Variants in ABCD2 observed in about 807,000 individuals in gnomAD.
ABCD2 encodes ATP-binding cassette sub-family D member 2.
ABCD2 carries 36 observed loss-of-function variants against 70.9 expected under a neutral mutation model. The ratio of observed to expected loss-of-function variants is 0.51; its 90% confidence interval spans 0.39 to 0.67. ABCD2 has a LOEUF of 0.67. ABCD2 is among the 30% of genes least tolerant of loss of function. The pLI is 0.00. For synonymous variants in ABCD2, 304 were observed against 306.9 expected (o/e 0.99, Z 0.10); for missense variants, 729 against 890.2 (o/e 0.82, Z 2.30).
rs746795285 is a variant in ABCD2, at chr12:39,579,604, A to G, written c.1808T>C (p.Met603Thr). 5 of 1,610,120 alleles carry G rather than the reference A, an allele frequency of 3.1e-6. No homozygotes were observed. The East Asian group carries it at 6.7e-5, about 22-fold the overall frequency. ...TCCTGACAGGACATCTTTCCAGTCC[A>G]TAACAGCATCCCATCCTTAAGAAAA... ...VQREGGWDAV[M>T]DWKDVLSGGE... The change falls in exon 8 of 10, where the codon ATG becomes ACG. Residue 603 changes from methionine to threonine, a missense_variant. Around this residue, in one of 3 missense-constraint regions of ABCD2, gnomAD observed 289 missense variants for 328.8 expected, o/e 0.88. Transcript: ENST00000308666.
intron 6 of ABCD2, among the ~76,000 whole-genome samples, chr12:39,590,813 T>C (rs1462519127): frequency 1.3e-5 from 2 of 152,020 alleles, no homozygotes; most frequent in African/African-American, 2.4e-5. Context: ...TTTATTATTC[T>C]CTAAGACAAA....
At chr12:39,546,677 G>C (rs77164328), downstream of ABCD2, among the ~76,000 whole-genome samples, 2,365 of 152,008 alleles carry the variant, frequency 0.016, 74 homozygotes, top group African/African-American at 0.052. Context: ...CATGATAAAA[G>C]GTAGCATATG....
At chr12:39,582,163 T>G (rs555920963) in intron 7 of ABCD2, among the ~76,000 whole-genome samples, 1 of 151,914 alleles carries the variant, frequency 6.6e-6, no homozygotes, top group South Asian at 2.1e-4. Context: ...TCCCTGAAGT[T>G]TTTTTTTATG....
intron 7 of ABCD2, among the ~76,000 whole-genome samples, chr12:39,584,556 G>A (rs1035274775): frequency 6.6e-6 from 1 of 152,040 alleles, no homozygotes; most frequent in Non-Finnish European, 1.5e-5. Context: ...CTTTCATTGT[G>A]ATTGCTTTTG....
chr12:39,542,067 G>A, the ABCD2 span, among the ~76,000 whole-genome samples: 2 of 152,066 alleles, frequency 1.3e-5, no homozygotes, highest in African/African-American at 2.4e-5. Context: ...TAACCTGGGT[G>A]GTGGTTAAAC....
Position 39,619,213 on chromosome 12 carries a change from T to C in ABCD2, c.403A>G (p.Ile135Val). The C allele has an allele frequency of 4.3e-6, 7 of 1,614,134 alleles. No homozygotes were observed. The highest frequency in any genetic ancestry group is 5.9e-6 in the Non-Finnish European group (7 of 1,180,030). The change falls in exon 1 of 10, where the codon ATT becomes GTT. Residue 135 changes from isoleucine (I) to valine (V), a missense_variant. Coordinates refer to ENST00000308666, the MANE Select transcript of ABCD2 (RefSeq NM_005164.4). ...AGLDGKIVKS[I>V]VEKKPRTFII... ...AAAGTCCGAGGCTTCTTTTCCACAA[T>C]GCTTTTCACGATTTTTCCATCCAGA...
intron 9 of ABCD2, among the ~76,000 whole-genome samples, chr12:39,554,914 T>C (rs1941139739): frequency 6.6e-6 from 1 of 152,172 alleles, no homozygotes; most frequent in South Asian, 2.1e-4. Flanking sequence ...TTCTTATGTG[T>C]CCTCAATTTT....
At chr12:39,580,227 T>C (rs1357209289) in intron 7 of ABCD2, among the ~76,000 whole-genome samples, 1 of 152,190 alleles carries the variant, frequency 6.6e-6, no homozygotes, top group Non-Finnish European at 1.5e-5. Flanking sequence ...AGGTGTGAGC[T>C]GCCAGATGGG....
chr12:39,547,410 G>A (rs1186688221), downstream of ABCD2, among the ~76,000 whole-genome samples: 4 of 152,104 alleles, frequency 2.6e-5, no homozygotes, highest in Non-Finnish European at 4.4e-5. Context: ...CAATAGCCAA[G>A]AGGCTGAAGC....
At chr12:39,590,564 T>A (rs1282380038) in intron 6 of ABCD2, among the ~76,000 whole-genome samples, 1 of 152,042 alleles carries the variant, frequency 6.6e-6, no homozygotes, top group Non-Finnish European at 1.5e-5. Flanking sequence ...AATTGTTTTT[T>A]CTTGGGAATC....
intron 7 of ABCD2, among the ~76,000 whole-genome samples, chr12:39,582,118 T>C (rs147715761): frequency 1.1e-4 from 17 of 152,364 alleles, no homozygotes; most frequent in African/African-American, 4.1e-4. Context: ...TGCTTAAATA[T>C]TTCAGGTTTA....
intron 2 of ABCD2, among the ~76,000 whole-genome samples, chr12:39,616,524 C>G (rs1382422248): frequency 6.6e-6 from 1 of 151,968 alleles, no homozygotes; most frequent in African/African-American, 2.4e-5. Context: ...TCCTGCTTGC[C>G]CATTGTAGTC....
intron 5 of ABCD2, 121 bp downstream of exon 5, chr12:39,603,791 C>A: frequency 1.4e-6 from 1 of 701,010 alleles, no homozygotes; most frequent in Non-Finnish European, 2.4e-6. Context: ...ACTGTGCATA[C>A]CTTTCTTGAT....
chr12:39,561,645 A>G (rs1941261263), intron 9 of ABCD2, among the ~76,000 whole-genome samples: 1 of 152,202 alleles, frequency 6.6e-6, no homozygotes, highest in Non-Finnish European at 1.5e-5. Context: ...CAATTCAGCA[A>G]GAAGATATGA....
intron 9 of ABCD2, among the ~76,000 whole-genome samples, chr12:39,557,771 G>A (rs1402290004): frequency 6.6e-6 from 1 of 152,194 alleles, no homozygotes; most frequent in Non-Finnish European, 1.5e-5. Flanking sequence ...GTCCTTGGTG[G>A]TTGGACCTGT....
intron 3 of ABCD2, among the ~76,000 whole-genome samples, chr12:39,607,265 C>A (rs1228175820): frequency 2.6e-5 from 4 of 152,126 alleles, no homozygotes; most frequent in Non-Finnish European, 4.4e-5. Context: ...GCTGTAGCGA[C>A]CTTGACCCAA....
downstream of ABCD2, among the ~76,000 whole-genome samples, chr12:39,545,807 G>C (rs746445203): frequency 2.0e-5 from 3 of 152,132 alleles, no homozygotes; most frequent in Non-Finnish European, 4.4e-5. Flanking sequence ...ATAATAGTAA[G>C]AGTATAGGAT....
Position 39,616,671 on chromosome 12 carries a change from T to C in ABCD2, c.1120+317A>G, listed in dbSNP as rs749038135. On this transcript the variant is annotated intron_variant, in intron 2 of 9. Transcript: ENST00000308666. The stretch of plus-strand genomic sequence containing the variant: ...TATACTCTTTCTGAGGGTACTAACT[T>C]ATTCTGAGGTTAAGTGTAAACTAAA... Among the ~76,000 whole-genome samples the C allele has an allele frequency of 6.6e-5, 10 of 152,180 alleles. 1 individual carries two copies. The highest frequency in any genetic ancestry group is 1.5e-4 in the Non-Finnish European group (10 of 68,016).
At chr12:39,607,745 GTTTTTT>G (rs58771682) in intron 2 of ABCD2, 31 bp from the exon 3 acceptor site, 3 of 775,410 alleles carry the variant, frequency 3.9e-6, no homozygotes, top group South Asian at 1.8e-5. Flanking sequence ...CAAAACTTGA[GTTTTTT>G]TTTTTTTTTT....
Sources: allele counts gnomAD v4.1 joint callset (sites outside exome capture counted in the v4.1 genomes callset), GRCh38; gene constraint gnomAD v4.1.1; regional missense constraint gnomAD v4.1.1; transcripts MANE v1.5; gene names NCBI Gene and HGNC (gene_info 2026-07-23, HGNC 2026-07-21).